Variants in CBFA2T3 observed in about 807,000 individuals in gnomAD.
The protein encoded by CBFA2T3 is CBFA2/RUNX1 partner transcriptional co-repressor 3.
Under a neutral mutation model 58.6 loss-of-function variants are expected in CBFA2T3, and 31 were observed. That is an observed-to-expected ratio of 0.53 (90% CI 0.40 to 0.71). The LOEUF (loss-of-function observed/expected upper bound fraction) is 0.71. Among genes scored for constraint, CBFA2T3 ranks in the 30% least tolerant of loss-of-function variants. CBFA2T3 has a pLI of 0.00. For synonymous variants in CBFA2T3, 531 were observed against 421.9 expected (o/e 1.26, Z -3.17); for missense variants, 1,076 against 963.1 (o/e 1.12, Z -1.55).
At chr16:88,968,841 T>C (rs4129789) in intron 1 of CBFA2T3, among the ~76,000 whole-genome samples, 89,591 of 152,042 alleles carry the variant, frequency 0.59, 27,713 homozygotes, top group East Asian at 0.81. Context: ...TGGGGGCTGA[T>C]TGGGTGACTT....
rs377190391 is a variant in CBFA2T3, at chr16:88,916,422, C to T, written c.152-14766G>A. Among the ~76,000 whole-genome samples, 487 of 150,086 alleles carry T rather than the reference C, an allele frequency of 3.2e-3. 2 individuals carry two copies. Among genetic ancestry groups the T allele is most frequent in the African/African-American group, 0.011 (456 of 40,698 alleles). On this transcript the variant is annotated intron_variant, in intron 1 of 11. Transcript: ENST00000268679. ...TATGCGTATTCATGCGTGTGCATGGCTGTGTCCGTGTGTGTGTGCACTCAC... is the reference window on the plus strand; with the variant it reads ...TATGCGTATTCATGCGTGTGCATGGTTGTGTCCGTGTGTGTGTGCACTCAC...
At chr16:88,922,651 A>G (rs488193) in intron 1 of CBFA2T3, among the ~76,000 whole-genome samples, 57,905 of 152,126 alleles carry the variant, frequency 0.38, 11,648 homozygotes, top group African/African-American at 0.52. Flanking sequence ...CCGGGACAGC[A>G]GCCAACCCAC....
chr16:88,921,901 C>T (rs1419288879), intron 1 of CBFA2T3, among the ~76,000 whole-genome samples: 1 of 152,210 alleles, frequency 6.6e-6, no homozygotes, highest in East Asian at 1.9e-4. Context: ...GGAATGGGGA[C>T]GCCTCACCCC....
chr16:88,940,998 G>T lies in CBFA2T3; in HGVS notation c.151+35659C>A. The T allele has an allele frequency of 3.1e-6, 3 of 971,506 alleles. No individual in the cohort carries two copies. The South Asian group carries it at 1.4e-4, about 45-fold the overall frequency. 60.2% of individuals were successfully genotyped at this position (971,506 alleles called of 1,614,324 possible). ...AGTCGGGGTAGAGCGGCGGCGGCGC[G>T]CGGGGCGGACACGGCACTTACGGTC... On this transcript the variant is annotated intron_variant, in intron 1 of 11. Coordinates refer to ENST00000268679, the MANE Select transcript of CBFA2T3 (RefSeq NM_005187.6).
chr16:88,910,634 C>T (rs530916144), intron 1 of CBFA2T3, among the ~76,000 whole-genome samples: 7 of 152,200 alleles, frequency 4.6e-5, no homozygotes, highest in Non-Finnish European at 7.3e-5. Flanking sequence ...CAGTGCAGGG[C>T]GGCCCTCGCA....
chr16:88,966,278 G>C (rs1972501791), intron 1 of CBFA2T3, among the ~76,000 whole-genome samples: 1 of 152,228 alleles, frequency 6.6e-6, no homozygotes. Context: ...CTCCAGAGCA[G>C]CCAGCTAACA....
At chr16:88,959,675 A>C (rs1972312960) in intron 1 of CBFA2T3, among the ~76,000 whole-genome samples, 1 of 152,200 alleles carries the variant, frequency 6.6e-6, no homozygotes. Flanking sequence ...GCAGCTGGGA[A>C]AGGCGATGGA....
intron 1 of CBFA2T3, among the ~76,000 whole-genome samples, chr16:88,921,700 C>A (rs1019451886): frequency 3.9e-5 from 6 of 152,212 alleles, no homozygotes; most frequent in Non-Finnish European, 7.3e-5. Flanking sequence ...AAACAGGACC[C>A]CTGGGAATTA....
At position 88,910,211 on chromosome 16, in the gene CBFA2T3, C is replaced by T. The variant is rs74363418; in HGVS notation, c.152-8555G>A. Among the ~76,000 whole-genome samples the T allele has an allele frequency of 4.3e-3, 660 of 152,334 alleles. 9 individuals are homozygous for T. The highest frequency in any genetic ancestry group is 0.015 in the African/African-American group (626 of 41,576). On this transcript the variant is annotated intron_variant, in intron 1 of 11. Coordinates refer to ENST00000268679, the MANE Select transcript of CBFA2T3 (RefSeq NM_005187.6). ...AGGGAATGCACTTCCACCAGGTCCC[C>T]GCAAGTCTGCCTCTCATCCTCACAC...
chr16:88,883,697 G>A (rs1207848029), intron 7 of CBFA2T3: 4 of 151,550 alleles, frequency 2.6e-5, no homozygotes, highest in African/African-American at 9.7e-5. Context: ...GACCCCGGCA[G>A]TGGCCGACTT....
chr16:88,922,133 C>T lies in CBFA2T3; in HGVS notation c.152-20477G>A, dbSNP rs183333649. 3.7e-4 allele frequency among the ~76,000 whole-genome samples: 57 copies of T among 152,342 alleles called. 1 individual carries two copies. The East Asian group carries it at 7.9e-3, about 21-fold the overall frequency. ...GGGTTCAATGGCTGAGGCTGGCCTG[C>T]GCCACACTTTGGGTGGGGGTACTTC... On this transcript the variant is annotated intron_variant, in intron 1 of 11. Coordinates refer to ENST00000268679, the MANE Select transcript of CBFA2T3 (RefSeq NM_005187.6).
chr16:88,916,967 A>G (rs1235047640), intron 1 of CBFA2T3, among the ~76,000 whole-genome samples: 1 of 151,540 alleles, frequency 6.6e-6, no homozygotes, highest in African/African-American at 2.4e-5. Flanking sequence ...AGGGCTGCTT[A>G]GGAGGCTGAG....
intron 1 of CBFA2T3, among the ~76,000 whole-genome samples, chr16:88,936,270 C>T (rs766055424): frequency 3.3e-5 from 5 of 152,130 alleles, no homozygotes; most frequent in Admixed American, 6.5e-5. Context: ...TCCTGGTCTC[C>T]GGCAGGTCCC....
chr16:88,908,716 C>G (rs1217907757), intron 1 of CBFA2T3, among the ~76,000 whole-genome samples: 2 of 152,246 alleles, frequency 1.3e-5, no homozygotes, highest in Admixed American at 6.5e-5. Context: ...CTCGCCAGCT[C>G]TGGAGTAACA....
intron 1 of CBFA2T3, among the ~76,000 whole-genome samples, chr16:88,905,955 C>A (rs189008443): frequency 4.1e-5 from 6 of 146,870 alleles, no homozygotes; most frequent in Admixed American, 1.3e-4. Context: ...CACCCCACAG[C>A]CACAGCAGGA....
intron 1 of CBFA2T3, among the ~76,000 whole-genome samples, chr16:88,932,685 C>T (rs1313624139): frequency 6.7e-6 from 1 of 150,216 alleles, no homozygotes; most frequent in African/African-American, 2.5e-5. Flanking sequence ...CGGTGGTTCA[C>T]GCCTGTCATC....
chr16:88,899,947 T>C (rs990777311), intron 2 of CBFA2T3, among the ~76,000 whole-genome samples: 1 of 152,180 alleles, frequency 6.6e-6, no homozygotes, highest in Non-Finnish European at 1.5e-5. Context: ...CCGTGGTTTG[T>C]ACCAGACCGG....
rs144385119 is a variant in CBFA2T3, at chr16:88,917,624, C to G, written c.152-15968G>C. On this transcript the variant is annotated intron_variant, in intron 1 of 11. Coordinates refer to ENST00000268679, the MANE Select transcript of CBFA2T3 (RefSeq NM_005187.6). The stretch of plus-strand genomic sequence containing the variant: ...TCACCTTGAACTCTGCAGAGGGCGG[C>G]TGCCAAGTTTAAAGTCAGCCACTGC... Among the ~76,000 whole-genome samples the G allele has an allele frequency of 6.0e-4, 91 of 152,312 alleles. 1 individual carries two copies. In the East Asian group the frequency reaches 0.017, roughly 28 times the overall value.
intron 1 of CBFA2T3, among the ~76,000 whole-genome samples, chr16:88,911,015 G>A (rs937595831): frequency 6.6e-6 from 1 of 152,232 alleles, no homozygotes; most frequent in Non-Finnish European, 1.5e-5. Context: ...CCTGCCTGGC[G>A]AATAAGCAGC....
Sources: gnomAD v4.1 joint callset for allele counts (sites outside exome capture counted in the v4.1 genomes callset) on GRCh38, gnomAD v4.1.1 for gene constraint, MANE v1.5 for transcripts, NCBI Gene and HGNC (gene_info 2026-07-23, HGNC 2026-07-21) for gene names.